DEFB104A: variants seen among roughly 807,000 people sequenced by gnomAD.
DEFB104A encodes beta-defensin 104.
rs2128924503 is a variant in DEFB104A at position 7,836,958 on chromosome 8, C to T, written c.58+416C>T. Among the ~76,000 whole-genome samples, 2 of 142,912 alleles carry T rather than the reference C, an allele frequency of 1.4e-5. 1 individual carries two copies. The highest frequency in any genetic ancestry group is 3.0e-5 in the Non-Finnish European group (2 of 65,750). 93.8% of individuals were successfully genotyped at this position (142,912 alleles called of 152,430 possible). A position where few individuals can be genotyped will look rare whatever the true frequency, so the allele number is the denominator to read the frequency against. On this transcript the variant is annotated intron_variant, in intron 1 of 1. Coordinates refer to ENST00000314265, the MANE Select transcript of DEFB104A (RefSeq NM_080389.3). The stretch of plus-strand genomic sequence containing the variant: ...ATCCTCCTCCTTCTGAACAGCTTTA[C>T]TCTGCACAGAAAAGGGCGCCTACTC...
chr8:7,839,240 C>T (rs1212786337), intron 1 of DEFB104A, among the ~76,000 whole-genome samples: 1 of 145,190 alleles, frequency 6.9e-6, no homozygotes, highest in Non-Finnish European at 1.6e-5. Context: ...CTAGTCTATT[C>T]TTCTTCTCCC....
chr8:7,836,619 A>ATTTTCT, intron 1 of DEFB104A, 77 bp downstream of exon 1: 1 of 780,134 alleles, frequency 1.3e-6, no homozygotes, highest in Non-Finnish European at 2.1e-6. Flanking sequence ...TTTGATTTAG[A>ATTTTCT]AAATAAATCC....
chr8:7,838,599 G>C (rs1366183223), intron 1 of DEFB104A, among the ~76,000 whole-genome samples: 10 of 145,750 alleles, frequency 6.9e-5, no homozygotes, highest in Non-Finnish European at 1.4e-4. Context: ...AGAATCGCTT[G>C]AACCCAAGAG....
intron 1 of DEFB104A, among the ~76,000 whole-genome samples, chr8:7,837,388 T>C (rs572401928): frequency 2.8e-5 from 4 of 142,160 alleles, no homozygotes; most frequent in Admixed American, 7.3e-5. Context: ...GTCAATTTTA[T>C]GGGGCTTTGA....
At chr8:7,839,038 T>C (rs1295947709) in intron 1 of DEFB104A, among the ~76,000 whole-genome samples, 1 of 143,052 alleles carries the variant, frequency 7.0e-6, no homozygotes, top group African/African-American at 2.5e-5. Context: ...CATTCTCCCT[T>C]TTGCATTCTG....
chr8:7,839,003 T>C (rs1817703928), intron 1 of DEFB104A, among the ~76,000 whole-genome samples: 1 of 142,922 alleles, frequency 7.0e-6, no homozygotes, highest in African/African-American at 2.5e-5. Flanking sequence ...GAAATGTTTA[T>C]TACTCAGCCT....
rs571978297 is a variant in DEFB104A, at chr8:7,839,120, C to T, written c.59-1914C>T. ...TGACACATAAGTTGCTGTGTGACGT[C>T]AGATTAGTCACTTTCCTTCTCTGAG... On this transcript the variant is annotated intron_variant, in intron 1 of 1. Coordinates refer to ENST00000314265, the MANE Select transcript of DEFB104A (RefSeq NM_080389.3). 6.6e-4 allele frequency among the ~76,000 whole-genome samples: 95 copies of T among 144,950 alleles called. 1 individual carries two copies. Among genetic ancestry groups the T allele is most frequent in the African/African-American group, 2.2e-3 (87 of 40,430 alleles).
intron 1 of DEFB104A, among the ~76,000 whole-genome samples, chr8:7,837,413 C>A (rs1340129974): frequency 1.4e-5 from 2 of 142,684 alleles, no homozygotes; most frequent in Non-Finnish European, 3.0e-5. Context: ...CACCCAGCAC[C>A]CATCTTTTTG....
chr8:7,836,738 C>T lies in DEFB104A; in HGVS notation c.58+196C>T, dbSNP rs146315300. Among the ~76,000 whole-genome samples, 195 of 142,850 alleles carry T rather than the reference C, an allele frequency of 1.4e-3. 4 individuals are homozygous for T. Among genetic ancestry groups the T allele is most frequent in the East Asian group, 6.2e-3 (28 of 4,508 alleles). The allele number at this position is 142,850 out of a possible 152,430, so 93.7% of individuals were successfully genotyped here. A position where few individuals can be genotyped will look rare whatever the true frequency, so the allele number is the denominator to read the frequency against. Reference sequence around the variant, plus strand: ...AGTCCTTGTATGCACCTTACAGCCACGAGGCTTACTAGCTCAAGGAGGAAA... The same window carrying T: ...AGTCCTTGTATGCACCTTACAGCCATGAGGCTTACTAGCTCAAGGAGGAAA... On this transcript the variant is annotated intron_variant, in intron 1 of 1. Transcript: ENST00000314265.
chr8:7,837,696 G>A (rs1421978135), intron 1 of DEFB104A, among the ~76,000 whole-genome samples: 3 of 142,972 alleles, frequency 2.1e-5, no homozygotes, highest in East Asian at 2.0e-4. Context: ...AGAATGCACC[G>A]CAGAGCTGGC....
intron 1 of DEFB104A, among the ~76,000 whole-genome samples, chr8:7,839,450 C>A (rs1304739121): frequency 7.1e-6 from 1 of 141,310 alleles, no homozygotes; most frequent in Non-Finnish European, 1.6e-5. Flanking sequence ...ACCACAAGGG[C>A]TTGCTTTTGA....
chr8:7,839,719 A>G (rs557409375), intron 1 of DEFB104A, among the ~76,000 whole-genome samples: 104 of 119,704 alleles, frequency 8.7e-4, no homozygotes, highest in African/African-American at 2.8e-3. Context: ...CAGATGCAAC[A>G]GGGGAGAAGG....
chr8:7,840,422 G>A (rs1817740167), intron 1 of DEFB104A, among the ~76,000 whole-genome samples: 1 of 12,954 alleles, frequency 7.7e-5, no homozygotes, highest in African/African-American at 1.1e-4. Flanking sequence ...CTTGCGATAG[G>A]TGATATAAAA....
intron 1 of DEFB104A, among the ~76,000 whole-genome samples, chr8:7,836,886 A>G (rs2739962): frequency 0.16 from 21,328 of 134,478 alleles, 1,486 homozygotes; most frequent in East Asian, 0.26. Context: ...TTGCAGGGCA[A>G]CAGCAATTAT....
At chr8:7,837,379 T>C (rs1394703485) in intron 1 of DEFB104A, among the ~76,000 whole-genome samples, 1 of 141,404 alleles carries the variant, frequency 7.1e-6, no homozygotes, top group Admixed American at 7.4e-5. Context: ...AGCTGCTCAG[T>C]CAATTTTATG....
intron 1 of DEFB104A, among the ~76,000 whole-genome samples, chr8:7,839,217 T>A (rs2128924813): frequency 6.8e-6 from 1 of 146,176 alleles, no homozygotes; most frequent in South Asian, 2.1e-4. Flanking sequence ...ATTTTAAAGG[T>A]TGTGTTCTCT....
intron 1 of DEFB104A, among the ~76,000 whole-genome samples, chr8:7,839,173 C>T (rs1817708413): frequency 1.4e-5 from 2 of 145,714 alleles, no homozygotes; most frequent in South Asian, 2.1e-4. Context: ...AAATAGATGG[C>T]CTGTGAGGGC....
rs565974814 is a variant in DEFB104A, at chr8:7,838,730, G to T, written c.58+2188G>T. 1.8e-4 allele frequency among the ~76,000 whole-genome samples: 26 copies of T among 141,414 alleles called. 3 individuals carry two copies. Among genetic ancestry groups the T allele is most frequent in the Admixed American group, 7.1e-5 (1 of 14,102 alleles). 92.8% of individuals were successfully genotyped at this position (141,414 alleles called of 152,430 possible). On this transcript the variant is annotated intron_variant, in intron 1 of 1. Transcript: ENST00000314265. ...AAAAAAAACAAAGCAAATCTTACAC[G>T]TCTTGATTGATGTATTATGTCTCCC...
At chr8:7,838,782 T>C (rs2740008) in intron 1 of DEFB104A, among the ~76,000 whole-genome samples, 104,595 of 125,824 alleles carry the variant, frequency 0.83, 44,514 homozygotes, top group East Asian at 0.98. Flanking sequence ...AAGCAAGCTG[T>C]ATCACAACCA....
Sources: gnomAD v4.1 joint callset for allele counts (sites outside exome capture counted in the v4.1 genomes callset) on GRCh38, gnomAD v4.1.1 for gene constraint, MANE v1.5 for transcripts, NCBI Gene and HGNC (gene_info 2026-07-23, HGNC 2026-07-21) for gene names.